Variants in GJA8 observed in about 807,000 individuals in gnomAD.
GJA8 encodes gap junction protein alpha 8.
GJA8 carries 13 observed loss-of-function variants against 15.3 expected under a neutral mutation model. That is an observed-to-expected ratio of 0.85 (90% CI 0.55 to 1.35). GJA8 has a LOEUF of 1.35. GJA8 is among the 40% of genes most tolerant of loss of function. The pLI, the probability that GJA8 is intolerant of heterozygous loss-of-function variation, is 0.00. For missense variants in GJA8, 607 were observed against 553.3 expected (o/e 1.10, Z -0.97); for synonymous variants, 304 against 238.7 (o/e 1.27, Z -2.52).
downstream of GJA8, among the ~76,000 whole-genome samples, chr1:147,910,783 C>T (rs1456452665): frequency 6.6e-6 from 1 of 152,062 alleles, no homozygotes. Flanking sequence ...CAGGGTGGCA[C>T]CAGAGGGAGC....
At chr1:147,904,416 A>T (rs1049779424) in intron 1 of GJA8, among the ~76,000 whole-genome samples, 4 of 152,192 alleles carry the variant, frequency 2.6e-5, no homozygotes, top group Non-Finnish European at 5.9e-5. Context: ...TAGATCAAGG[A>T]TACCCAAACA....
downstream of GJA8, among the ~76,000 whole-genome samples, chr1:147,911,001 A>T (rs1383962098): frequency 6.6e-6 from 1 of 152,196 alleles, no homozygotes; most frequent in African/African-American, 2.4e-5. Context: ...TACCAGGAGC[A>T]ATTTTACCCT....
rs17160783 is a variant in GJA8 at position 147,907,814 on chromosome 1, A to G, written c.-11-131A>G. On this transcript the variant is annotated intron_variant, in intron 1 of 1. Coordinates refer to ENST00000369235, the MANE Select transcript of GJA8 (RefSeq NM_005267.5). The stretch of plus-strand genomic sequence containing the variant: ...CTAGTCTGCACAAAGGAAGCACTGG[A>G]TAGACGCTGTGTGCACATTGACCGT... 35,192 of 734,090 alleles carry G rather than the reference A, an allele frequency of 0.048. 1,371 individuals carry two copies. The highest frequency in any genetic ancestry group is 0.12 in the South Asian group (8,296 of 68,036). The allele number at this position is 734,090 out of a possible 1,614,324, so 45.5% of individuals were successfully genotyped here.
chr1:147,905,849 C>A (rs891797851), intron 1 of GJA8, among the ~76,000 whole-genome samples: 5 of 152,222 alleles, frequency 3.3e-5, no homozygotes, highest in African/African-American at 1.2e-4. Context: ...GGAACTCTTC[C>A]CAATGCCAGA....
chr1:147,907,930 C>A lies in GJA8; in HGVS notation c.-11-15C>A. ...TGCGGCCGCTCAGCTCTTGCCTTCT[C>A]CCTCATTTCTTCAGGTGGGTGAGAA... On this transcript the variant is annotated splice_polypyrimidine_tract_variant and intron_variant, in intron 1 of 1. Transcript: ENST00000369235. The A allele has an allele frequency of 2.5e-6, 4 of 1,590,328 alleles. No individual in the cohort carries two copies. The South Asian group carries it at 3.3e-5, about 13-fold the overall frequency.
chr1:147,905,239 C>T (rs889468537), intron 1 of GJA8, among the ~76,000 whole-genome samples: 35 of 152,304 alleles, frequency 2.3e-4, no homozygotes, highest in African/African-American at 8.2e-4. Context: ...GAACCATGCA[C>T]TGCTGTCTAT....
chr1:147,904,195 A>T (rs1157992799), intron 1 of GJA8, among the ~76,000 whole-genome samples: 1 of 152,096 alleles, frequency 6.6e-6, no homozygotes, highest in Non-Finnish European at 1.5e-5. Flanking sequence ...GGCCTCCCAT[A>T]GTGCTGGGAT....
chr1:147,909,203 G>C lies in GJA8; in HGVS notation c.1248G>C (p.Leu416=), dbSNP rs200369834. Residue 416 remains leucine (L), a synonymous_variant, in exon 2 of 2, where the codon CTG becomes CTC. Transcript: ENST00000369235. ...PELTTDDARP[L]SRLSKASSRA... is the part of the protein sequence containing the mutation. The stretch of plus-strand genomic sequence containing the variant: ...TGACAACAGATGATGCCAGACCCCT[G>C]AGCAGGCTAAGCAAAGCCAGCAGCC... 5.4e-5 allele frequency: 86 copies of C among 1,595,120 alleles called. No homozygotes were observed. The highest frequency in any genetic ancestry group is 7.0e-5 in the Non-Finnish European group (82 of 1,169,146).
In GJA8 at chr1:147,908,775, A is replaced by G; in HGVS notation, c.820A>G (p.Ile274Val). The change falls in exon 2 of 2, where the codon ATC becomes GTC. Residue 274 changes from isoleucine to valine, a missense_variant. Physicochemically the swap from Ile to Val is conservative, Grantham distance 29. Coordinates refer to ENST00000369235, the MANE Select transcript of GJA8 (RefSeq NM_005267.5). ...CTATCAGCTCCTAGAAGAAGAGAAAATCGTTTCCCACTATTTCCCCTTGAC... is the reference window on the plus strand; with the variant it reads ...CTATCAGCTCCTAGAAGAAGAGAAAGTCGTTTCCCACTATTTCCCCTTGAC... ...KGYQLLEEEK[I>V]VSHYFPLTEV... is the part of the protein sequence containing the mutation. The G allele has an allele frequency of 6.2e-7, 1 of 1,614,094 alleles. No individual in the cohort carries two copies. The highest frequency in any genetic ancestry group is 8.5e-7 in the Non-Finnish European group (1 of 1,180,002).
Position 147,907,995 on chromosome 1 carries a change from G to C in GJA8, c.40G>C (p.Val14Leu). 2 of 1,614,064 alleles carry C rather than the reference G, an allele frequency of 1.2e-6. No homozygotes were observed. Among genetic ancestry groups the C allele is most frequent in the Non-Finnish European group, 1.7e-6 (2 of 1,179,952 alleles). Reference sequence around the variant, plus strand: ...TTTCCTGGGGAACATCTTGGAGGAGGTGAATGAGCACTCCACCGTCATCGG... The same window carrying C: ...TTTCCTGGGGAACATCTTGGAGGAGCTGAATGAGCACTCCACCGTCATCGG... Reference protein sequence around the residue: ...WSFLGNILEEVNEHSTVIGRV... With the variant: ...WSFLGNILEELNEHSTVIGRV... Residue 14 changes from valine to leucine, a missense_variant, in exon 2 of 2, where the codon GTG (valine) becomes CTG (leucine). Val to Leu is a conservative substitution (Grantham distance 32). Transcript: ENST00000369235.
rs191314202 is a variant in GJA8 at position 147,907,618 on chromosome 1, A to T, written c.-11-327A>T. ...CAAGGGTTTCTATTTATGGTCAACA[A>T]TGAATCCTTATTTTTGGTGGACTTT... is the stretch of plus-strand genomic sequence containing the variant. On this transcript the variant is annotated intron_variant, in intron 1 of 1. Coordinates refer to ENST00000369235, the MANE Select transcript of GJA8 (RefSeq NM_005267.5). Among the ~76,000 whole-genome samples, 6 of 152,332 alleles carry T rather than the reference A, an allele frequency of 3.9e-5. No individual in the cohort carries two copies. The East Asian group carries it at 1.2e-3, about 29-fold the overall frequency.
At chr1:147,905,348 A>T (rs1238747116) in intron 1 of GJA8, among the ~76,000 whole-genome samples, 1 of 152,208 alleles carries the variant, frequency 6.6e-6, no homozygotes, top group Non-Finnish European at 1.5e-5. Context: ...TTGATACTAA[A>T]GGGGGGAAAA....
downstream of GJA8, among the ~76,000 whole-genome samples, chr1:147,910,862 G>T (rs1469204012): frequency 2.6e-5 from 4 of 152,132 alleles, no homozygotes; most frequent in African/African-American, 9.7e-5. Context: ...TTCATCCCTG[G>T]AAAGGACACA....
rs1013993786 is a variant in GJA8, at chr1:147,908,997, G to C, written c.1042G>C (p.Glu348Gln). ...GGAGGGAGCCGAACCCGAGGTGGGA[G>C]AGAAGAAGGAGGAAGCAGAGAGGCT... Reference protein sequence around the residue: ...AEEGAEPEVGEKKEEAERLTT... With the variant: ...AEEGAEPEVGQKKEEAERLTT... The change falls in exon 2 of 2, where the codon GAG becomes CAG. Residue 348 changes from glutamate (E) to glutamine (Q), a missense_variant. Transcript: ENST00000369235. 6.1e-5 allele frequency: 97 copies of C among 1,594,310 alleles called. 1 individual carries two copies. Among genetic ancestry groups the C allele is most frequent in the Non-Finnish European group, 8.0e-5 (94 of 1,169,638 alleles).
At chr1:147,913,829 G>A (rs1652276570), downstream of GJA8, among the ~76,000 whole-genome samples, 1 of 152,196 alleles carries the variant, frequency 6.6e-6, no homozygotes, top group South Asian at 2.1e-4. Flanking sequence ...AGAAAGGTTT[G>A]CCTGGTTGGA....
intron 1 of GJA8, among the ~76,000 whole-genome samples, chr1:147,903,213 C>T (rs1651671474): frequency 6.6e-6 from 1 of 152,164 alleles, no homozygotes; most frequent in African/African-American, 2.4e-5. Context: ...GTTTTGTGCC[C>T]TTTTCACTCA....
At chr1:147,906,981 G>T (rs1651824735) in intron 1 of GJA8, among the ~76,000 whole-genome samples, 1 of 151,890 alleles carries the variant, frequency 6.6e-6, no homozygotes, top group Non-Finnish European at 1.5e-5. Flanking sequence ...GACCTCCCAG[G>T]CTCAAGCAAT....
downstream of GJA8, chr1:147,909,343 T>C (rs373835480): frequency 2.3e-5 from 24 of 1,031,916 alleles, no homozygotes; most frequent in Non-Finnish European, 3.3e-5. Flanking sequence ...CTGAATCTTC[T>C]GTCTCCTGTC....
rs145974798 is a variant in GJA8 at position 147,908,394 on chromosome 1, C to T, written c.439C>T (p.Leu147=). 1,204 of 1,614,220 alleles carry T rather than the reference C, an allele frequency of 7.5e-4. 1 individual carries two copies. Among genetic ancestry groups the T allele is most frequent in the Non-Finnish European group, 9.6e-4 (1,135 of 1,180,028 alleles). The stretch of plus-strand genomic sequence containing the variant: ...TAAGAAGTTCCGGCTGGAGGGGACC[C>T]TGCTGAGGACCTACATCTGCCACAT... ...GTKKFRLEGT[L]LRTYICHIIF... is the part of the protein sequence containing the mutation. Residue 147 remains leucine (L), a synonymous_variant, in exon 2 of 2, where the codon CTG becomes TTG. Coordinates refer to ENST00000369235, the MANE Select transcript of GJA8 (RefSeq NM_005267.5).
Sources: gnomAD v4.1 joint callset for allele counts (sites outside exome capture counted in the v4.1 genomes callset) on GRCh38, gnomAD v4.1.1 for gene constraint, MANE v1.5 for transcripts, NCBI Gene and HGNC (gene_info 2026-07-23, HGNC 2026-07-21) for gene names.